Variants in TMEM190 observed in about 807,000 individuals in gnomAD.
TMEM190 encodes transmembrane protein 190.
In TMEM190, 17 loss-of-function variants were observed where a neutral mutation model predicts 17.1. The ratio of observed to expected loss-of-function variants is 0.99; its 90% CI spans 0.68 to 1.49. The LOEUF (loss-of-function observed/expected upper bound fraction) is 1.49. TMEM190 is among the 40% of genes most tolerant of loss of function. The probability of loss-of-function intolerance (pLI) is 0.00; values close to 1 mark genes in which losing one functional copy is unlikely to be tolerated. For missense variants in TMEM190, 246 were observed against 245.0 expected, an observed-to-expected ratio of 1.00 and a Z score of -0.03; for synonymous variants, 101 against 103.8, an observed-to-expected ratio of 0.97 and a Z score of 0.16.
intron 2 of TMEM190, 54 bp from the exon 3 acceptor site, chr19:55,377,539 G>A (rs1286405757): frequency 6.4e-7 from 1 of 1,561,804 alleles, no homozygotes; most frequent in African/African-American, 1.4e-5. Flanking sequence ...TCGTGTATGA[G>A]GCCTTCGGAG....
Position 55,378,020 on chromosome 19 carries a change from G to T in TMEM190, c.351G>T (p.Ala117=), listed in dbSNP as rs185751567. The T allele has an allele frequency of 5.0e-6, 8 of 1,612,838 alleles. No individual in the cohort carries two copies. The highest frequency in any genetic ancestry group is 5.9e-6 in the Non-Finnish European group (7 of 1,179,900). The change falls in exon 5 of 5, where the codon GCG becomes GCT. Residue 117 remains alanine (A), a synonymous_variant. Transcript: ENST00000291934. ...TGCTGCATATGCCCGGTTTCCTGGC[G>T]GGTCCGTGTGACATGTCCAAGTCCG... ...RDVLHMPGFL[A]GPCDMSKSVS... is the part of the protein sequence containing the mutation.
chr19:55,377,920 C>A lies in TMEM190; in HGVS notation c.305+34C>A, dbSNP rs765596169. 6.2e-6 allele frequency: 10 copies of A among 1,606,420 alleles called. No homozygotes were observed. In the African/African-American group the frequency reaches 1.2e-4, roughly 19 times the overall value. On this transcript the variant is annotated intron_variant, in intron 4 of 4. Coordinates refer to ENST00000291934, the MANE Select transcript of TMEM190 (RefSeq NM_139172.3). ...GCCTGGGATAGGGCGGGCGCCTGCA[C>A]CCCCAGGGGGAGGGTCCGGCGGAGG...
At position 55,378,189 on chromosome 19, in the gene TMEM190, G is replaced by T; in HGVS notation, c.520G>T (p.Glu174Ter). The T allele has an allele frequency of 6.5e-7, 1 of 1,549,618 alleles. No individual in the cohort carries two copies. The change falls in exon 5 of 5, where the codon GAA becomes TAA. Residue 174 changes from glutamate (E) to a stop codon, truncating the protein, a stop_gained. Coordinates refer to ENST00000291934, the MANE Select transcript of TMEM190 (RefSeq NM_139172.3). LOFTEE classifies it high-confidence loss of function. ...TEEGEETEGEEEED is the reference protein window; with the variant it reads ...TEEGEETEGE The stretch of plus-strand genomic sequence containing the variant: ...GGAGGGTGAGGAGACAGAGGGCGAG[G>T]AAGAGGAGGATTAGGGGAGTCCCCG...
At position 55,376,911 on chromosome 19, in the gene TMEM190, G is replaced by T. The variant is rs1179950823; in HGVS notation, c.58G>T (p.Asp20Tyr). ...GCTCCTGCTGCTGCAGGGCTCGGCA[G>T]GTGAGGGGCTGGTGAGGCGGGGGAG... ...GLLLLLQGSADGNGIQGFFYP... is the reference protein window; with the variant it reads ...GLLLLLQGSAYGNGIQGFFYP... The change falls in exon 1 of 5, where the codon GAC becomes TAC. Residue 20 changes from aspartate (D) to tyrosine (Y), a missense_variant and splice_region_variant. Physicochemically the swap from Asp to Tyr is radical, Grantham distance 160. Transcript: ENST00000291934. The T allele has an allele frequency of 1.0e-5, 16 of 1,576,612 alleles. No homozygotes were observed. The highest frequency in any genetic ancestry group is 1.4e-5 in the Non-Finnish European group (16 of 1,161,218).
In TMEM190 at chr19:55,378,236, C is replaced by A. The variant is rs756362194; in HGVS notation, c.*33C>A. 7.4e-7 allele frequency: 1 copy of A among 1,343,612 alleles called. No homozygotes were observed. The highest frequency in any genetic ancestry group is 9.7e-7 in the Non-Finnish European group (1 of 1,029,120). The allele number at this position is 1,343,612 out of a possible 1,614,324, so 83.2% of individuals were successfully genotyped here. A position where few individuals can be genotyped will look rare whatever the true frequency, so the allele number is the denominator to read the frequency against. On this transcript the variant is annotated 3_prime_UTR_variant, in exon 5 of 5. Transcript: ENST00000291934. ...CCCGGGGGACTGCTCAATACAGATA[C>A]GGTGGACGGACGTGTGTTCTCTTCT...
At chr19:55,377,254 G>A (rs1328601970) in intron 2 of TMEM190, among the ~76,000 whole-genome samples, 1 of 142,638 alleles carries the variant, frequency 7.0e-6, no homozygotes, top group African/African-American at 2.6e-5. Flanking sequence ...GGCTGGACCT[G>A]GACTCCTGGG....
chr19:55,377,531 G>T, intron 2 of TMEM190, 62 bp from the exon 3 acceptor site: 3 of 1,554,734 alleles, frequency 1.9e-6, no homozygotes, highest in East Asian at 2.3e-5. Flanking sequence ...TTGGAATCTC[G>T]TGTATGAGGC....
chr19:55,377,551 G>C, intron 2 of TMEM190, 42 bp from the exon 3 acceptor site: 8 of 1,576,386 alleles, frequency 5.1e-6, no homozygotes, highest in Non-Finnish European at 6.9e-6. Context: ...CCTTCGGAGC[G>C]GAGCGCTGTG....
intron 2 of TMEM190, 116 bp downstream of exon 2, chr19:55,377,142 G>GA: frequency 1.6e-6 from 2 of 1,257,052 alleles, no homozygotes; most frequent in Non-Finnish European, 2.3e-6. Flanking sequence ...GGACGGGGGG[G>GA]TCTGGACTCC....
In TMEM190 at chr19:55,378,007, C is replaced by G. The variant is rs201624884; in HGVS notation, c.338C>G (p.Pro113Arg). Residue 113 changes from proline (P) to arginine (R), a missense_variant, in exon 5 of 5, where the codon CCC becomes CGC. By Grantham distance (103) the Pro-to-Arg change is moderately radical (BLOSUM62 -2). Coordinates refer to ENST00000291934, the MANE Select transcript of TMEM190 (RefSeq NM_139172.3). ...AAGCGCCGGGACGTGCTGCATATGCCCGGTTTCCTGGCGGGTCCGTGTGAC... is the reference window on the plus strand; with the variant it reads ...AAGCGCCGGGACGTGCTGCATATGCGCGGTTTCCTGGCGGGTCCGTGTGAC... The part of the protein sequence containing the change: ...WAKRRDVLHM[P>R]GFLAGPCDMS... 4 of 1,612,794 alleles carry G rather than the reference C, an allele frequency of 2.5e-6. No homozygotes were observed. The African/African-American group carries it at 5.3e-5, about 22-fold the overall frequency.
At position 55,377,610 on chromosome 19, in the gene TMEM190, T is replaced by C; in HGVS notation, c.112T>C (p.Trp38Arg). Reference protein sequence around the residue: ...FYPWSCEGDIWDRESCGGQAA... With the variant: ...FYPWSCEGDIRDRESCGGQAA... ...GTCCCCAGGCTGTGAGGGTGACATA[T>C]GGGACCGGGAGAGCTGTGGGGGCCA... Residue 38 changes from tryptophan to arginine, a missense_variant, in exon 3 of 5, where the codon TGG becomes CGG. Trp to Arg is a moderately radical substitution (Grantham distance 101). Coordinates refer to ENST00000291934, the MANE Select transcript of TMEM190 (RefSeq NM_139172.3). The C allele has an allele frequency of 6.2e-7, 1 of 1,611,994 alleles. No individual in the cohort carries two copies. The highest frequency in any genetic ancestry group is 8.5e-7 in the Non-Finnish European group (1 of 1,178,936).
Position 55,376,911 on chromosome 19 carries a change from G to C in TMEM190, c.58G>C (p.Asp20His). The C allele has an allele frequency of 6.3e-7, 1 of 1,576,612 alleles. No homozygotes were observed. Among genetic ancestry groups the C allele is most frequent in the Non-Finnish European group, 8.6e-7 (1 of 1,161,218 alleles). ...GCTCCTGCTGCTGCAGGGCTCGGCAGGTGAGGGGCTGGTGAGGCGGGGGAG... is the reference window on the plus strand; with the variant it reads ...GCTCCTGCTGCTGCAGGGCTCGGCACGTGAGGGGCTGGTGAGGCGGGGGAG... ...GLLLLLQGSADGNGIQGFFYP... is the reference protein window; with the variant it reads ...GLLLLLQGSAHGNGIQGFFYP... Residue 20 changes from aspartate (D) to histidine (H), a missense_variant and splice_region_variant, in exon 1 of 5, where the codon GAC becomes CAC. Coordinates refer to ENST00000291934, the MANE Select transcript of TMEM190 (RefSeq NM_139172.3).
chr19:55,377,912 C>T (rs755495107), intron 4 of TMEM190, 26 bp downstream of exon 4: 31 of 1,606,248 alleles, frequency 1.9e-5, no homozygotes, highest in Middle Eastern at 1.7e-4. Context: ...ATAGGGCGGG[C>T]GCCTGCACCC....
Position 55,377,595 on chromosome 19 carries a change from TGTGAGG to T in TMEM190, c.102_107del (p.Glu34_Gly35del). 6.2e-7 allele frequency: 1 copy of T among 1,608,522 alleles called. No homozygotes were observed. The highest frequency in any genetic ancestry group is 8.5e-7 in the Non-Finnish European group (1 of 1,177,034). ...AGCCACTGGTGGTTGGTCCCCAGGCTGTGAGGGTGACATATGGGACCGGGAGAGCTG... is the reference window on the plus strand; with the variant it reads ...AGCCACTGGTGGTTGGTCCCCAGGCTGTGACATATGGGACCGGGAGAGCTG... On this transcript the variant is annotated inframe_deletion, in exon 3 of 5. Transcript: ENST00000291934.
In TMEM190 at chr19:55,377,823, TG is replaced by T; in HGVS notation, c.243del (p.Met81IlefsTer14). ...CCAGAAAACGTGCGGAGGAAGCACA[TG>T]TGGGCGCTGGTCTGGACGTGCAGCG... ...RPDENVRRKH[M>X]WALVWTCSGL... is the part of the protein sequence containing the mutation. On this transcript the variant is annotated frameshift_variant, in exon 4 of 5. Coordinates refer to ENST00000291934, the MANE Select transcript of TMEM190 (RefSeq NM_139172.3). LOFTEE classifies it high-confidence loss of function. The T allele has an allele frequency of 6.2e-7, 1 of 1,611,712 alleles. No individual in the cohort carries two copies.
chr19:55,376,938 TGAG>T (rs777272573), intron 1 of TMEM190, 27 bp downstream of exon 1: 116 of 1,558,346 alleles, frequency 7.4e-5, no homozygotes, highest in Admixed American at 5.6e-4. Context: ...GCGGGGGAGC[TGAG>T]GAGGGACGCC....
rs2089855916 is a variant in TMEM190 at position 55,376,984 on chromosome 19, C to T, written c.59-7C>T. On this transcript the variant is annotated splice_region_variant and splice_polypyrimidine_tract_variant and intron_variant, in intron 1 of 4. Transcript: ENST00000291934. ...ACACAGCCCTAACACTGCCCTTTCT[C>T]TCGCAGACGGAAATGGAATCCAGGG... 1 of 1,551,784 alleles carries T rather than the reference C, an allele frequency of 6.4e-7. No homozygotes were observed. The highest frequency in any genetic ancestry group is 2.4e-5 in the East Asian group (1 of 41,006).
At chr19:55,377,751 T>G in intron 3 of TMEM190, 33 bp downstream of exon 3, 1 of 1,611,876 alleles carries the variant, frequency 6.2e-7, no homozygotes, top group South Asian at 1.1e-5. Flanking sequence ...CCCTGGGGCG[T>G]GGGTCTGGCG....
Position 55,378,060 on chromosome 19 carries a change from A to G in TMEM190, c.391A>G (p.Lys131Glu). Residue 131 changes from lysine to glutamate, a missense_variant, in exon 5 of 5, where the codon AAG becomes GAG. Coordinates refer to ENST00000291934, the MANE Select transcript of TMEM190 (RefSeq NM_139172.3). ...GTCCAAGTCCGTCTCGCTGCTCTCC[A>G]AGCACCGAGGGACCAAGAAGACGCC... is the stretch of plus-strand genomic sequence containing the variant. ...DMSKSVSLLS[K>E]HRGTKKTPST... 6.2e-7 allele frequency: 1 copy of G among 1,611,914 alleles called. No individual in the cohort carries two copies. Among genetic ancestry groups the G allele is most frequent in the Non-Finnish European group, 8.5e-7 (1 of 1,179,398 alleles).
Sources: gnomAD v4.1 joint callset for allele counts (sites outside exome capture counted in the v4.1 genomes callset) on GRCh38, gnomAD v4.1.1 for gene constraint, MANE v1.5 for transcripts, NCBI Gene and HGNC (gene_info 2026-07-23, HGNC 2026-07-21) for gene names.